Variants in PRKG1 observed in about 807,000 individuals in gnomAD.
The protein encoded by PRKG1 is cGMP-dependent protein kinase 1.
PRKG1 carries 35 observed loss-of-function variants against 88.1 expected under a neutral mutation model. The observed-to-expected ratio is 0.40, with a 90% confidence interval of 0.30 to 0.53. The LOEUF (loss-of-function observed/expected upper bound fraction) is 0.53. PRKG1 is among the 20% of genes least tolerant of loss of function. The pLI is 0.59. For synonymous variants in PRKG1, 303 were observed against 292.5 expected, an observed-to-expected ratio of 1.04 and a Z score of -0.37; for missense variants, 540 against 839.8, an observed-to-expected ratio of 0.64 and a Z score of 4.41.
chr10:51,397,627 C>T (rs1837615988), intron 2 of PRKG1, among the ~76,000 whole-genome samples: 1 of 152,128 alleles, frequency 6.6e-6, no homozygotes, highest in African/African-American at 2.4e-5. Context: ...TTTAACCATC[C>T]TAAAAACAAG....
chr10:52,290,850 C>A (rs1479121046), intron 17 of PRKG1, among the ~76,000 whole-genome samples: 54 of 151,734 alleles, frequency 3.6e-4, no homozygotes, highest in Non-Finnish European at 1.0e-4. Context: ...AGTGGAAAGA[C>A]CCTGTCTCTA....
chr10:51,532,858 C>T (rs1842052077), intron 3 of PRKG1, among the ~76,000 whole-genome samples: 1 of 152,300 alleles, frequency 6.6e-6, no homozygotes, highest in Middle Eastern at 3.4e-3. Flanking sequence ...CCTCTTTCCC[C>T]TCTCCCCTTC....
At chr10:51,857,742 C>A (rs1258074965) in intron 4 of PRKG1, among the ~76,000 whole-genome samples, 3 of 151,978 alleles carry the variant, frequency 2.0e-5, no homozygotes. Flanking sequence ...AGCCAGATTT[C>A]TTTTTCTTCT....
intron 12 of PRKG1, among the ~76,000 whole-genome samples, chr10:52,278,209 A>T (rs1054976013): frequency 6.6e-6 from 1 of 152,206 alleles, no homozygotes; most frequent in East Asian, 1.9e-4. Flanking sequence ...CAGACACATG[A>T]AAAAATGCTC....
At chr10:52,187,458 A>C (rs1219928535) in intron 9 of PRKG1, among the ~76,000 whole-genome samples, 1 of 152,164 alleles carries the variant, frequency 6.6e-6, no homozygotes, top group Non-Finnish European at 1.5e-5. Context: ...AATATGATAC[A>C]AGTGTATATT....
chr10:52,000,746 ACT>A (rs150386813), intron 5 of PRKG1, among the ~76,000 whole-genome samples: 2,345 of 152,094 alleles, frequency 0.015, 55 homozygotes, highest in African/African-American at 0.054. Context: ...ATAAAAACAC[ACT>A]CTCACACATT....
At chr10:52,244,759 G>T (rs373975566) in intron 9 of PRKG1, among the ~76,000 whole-genome samples, 31 of 48,270 alleles carry the variant, frequency 6.4e-4, no homozygotes, top group African/African-American at 8.6e-4. Context: ...TATATATTAA[G>T]ATATATTTAA....
rs566217767 is a variant in PRKG1 at position 51,313,202 on chromosome 10, C to A, written c.479-154521C>A. ...GTGGAGTCTTGGGCAAAGTCTAAACCTAAATAATGTTTGGGAAGAGGGGCC... is the reference window on the plus strand; with the variant it reads ...GTGGAGTCTTGGGCAAAGTCTAAACATAAATAATGTTTGGGAAGAGGGGCC... On this transcript the variant is annotated intron_variant, in intron 2 of 17. Transcript: ENST00000373980. Among the ~76,000 whole-genome samples, 296 of 151,964 alleles carry A rather than the reference C, an allele frequency of 1.9e-3. 2 individuals are homozygous for A. Among genetic ancestry groups the A allele is most frequent in the African/African-American group, 6.9e-3 (285 of 41,428 alleles).
At chr10:51,123,045 T>A (rs1423685620) in intron 1 of PRKG1, among the ~76,000 whole-genome samples, 8 of 152,106 alleles carry the variant, frequency 5.3e-5, no homozygotes, top group Admixed American at 3.9e-4. Context: ...AAGCCCCAAT[T>A]CTATAATAGG....
chr10:51,547,117 C>T (rs1032479073), intron 3 of PRKG1, among the ~76,000 whole-genome samples: 2 of 152,084 alleles, frequency 1.3e-5, no homozygotes, highest in South Asian at 4.1e-4. Flanking sequence ...TTTATATTCA[C>T]CCTAATATAT....
intron 3 of PRKG1, among the ~76,000 whole-genome samples, chr10:51,644,632 A>G (rs1839874341): frequency 6.6e-6 from 1 of 152,082 alleles, no homozygotes; most frequent in Admixed American, 6.6e-5. Flanking sequence ...GTCCAGACTT[A>G]TCTTGTATAT....
chr10:52,161,193 T>C (rs536332876), intron 8 of PRKG1, among the ~76,000 whole-genome samples: 1 of 152,134 alleles, frequency 6.6e-6, no homozygotes, highest in Non-Finnish European at 1.5e-5. Context: ...AGTGACACAA[T>C]TGATGATGCT....
intron 9 of PRKG1, among the ~76,000 whole-genome samples, chr10:52,188,367 G>C (rs1839275838): frequency 6.9e-6 from 1 of 144,074 alleles, no homozygotes; most frequent in African/African-American, 2.6e-5. Context: ...TGATTTTTTT[G>C]AGATGGGGTC....
At chr10:51,790,754 T>C (rs995542530) in intron 3 of PRKG1, among the ~76,000 whole-genome samples, 3 of 152,166 alleles carry the variant, frequency 2.0e-5, no homozygotes, top group African/African-American at 4.8e-5. Context: ...TAATGCCTCA[T>C]AGTTACTTCA....
chr10:52,202,844 T>A (rs7900521), intron 9 of PRKG1, among the ~76,000 whole-genome samples: 116,096 of 152,040 alleles, frequency 0.76, 46,537 homozygotes, highest in Non-Finnish European at 0.89. Flanking sequence ...CTGAGGTTTT[T>A]GTATTTTTGT....
intron 2 of PRKG1, among the ~76,000 whole-genome samples, chr10:51,242,202 A>C (rs1839173472): frequency 6.6e-6 from 1 of 152,104 alleles, no homozygotes; most frequent in South Asian, 2.1e-4. Context: ...CCAATAACCA[A>C]GCGCAAGTGT....
At chr10:51,059,828 G>A (rs865995173) in intron 1 of PRKG1, among the ~76,000 whole-genome samples, 1 of 151,940 alleles carries the variant, frequency 6.6e-6, no homozygotes, top group South Asian at 2.1e-4. Context: ...ATTAACTCAC[G>A]TTTGTTAAGT....
At chr10:52,073,210 T>C (rs371715355) in intron 7 of PRKG1, among the ~76,000 whole-genome samples, 1 of 152,166 alleles carries the variant, frequency 6.6e-6, no homozygotes, top group Non-Finnish European at 1.5e-5. Flanking sequence ...ACACCAGTCA[T>C]TGAATGGAGG....
intron 1 of PRKG1, among the ~76,000 whole-genome samples, chr10:51,122,988 G>A (rs1210726176): frequency 6.6e-6 from 1 of 152,072 alleles, no homozygotes; most frequent in Non-Finnish European, 1.5e-5. Context: ...ACACAATGTA[G>A]GACAAACTTC....
Sources: gnomAD v4.1 joint callset for allele counts (sites outside exome capture counted in the v4.1 genomes callset) on GRCh38, gnomAD v4.1.1 for gene constraint, MANE v1.5 for transcripts, NCBI Gene and HGNC (gene_info 2026-07-23, HGNC 2026-07-21) for gene names.